LTN1: variants seen among roughly 807,000 people sequenced by gnomAD.
LTN1 encodes the protein E3 ubiquitin-protein ligase listerin.
A neutral mutation model predicts 201.2 loss-of-function variants in LTN1; 88 were observed. The observed-to-expected ratio is 0.44, with a 90% CI of 0.37 to 0.52. The LOEUF (loss-of-function observed/expected upper bound fraction) is 0.52. Among genes scored for constraint, LTN1 ranks in the 20% least tolerant of loss-of-function variants. The pLI is 0.00. For synonymous variants in LTN1, 645 were observed against 713.5 expected, an observed-to-expected ratio of 0.90 and a Z score of 1.53; for missense variants, 1,752 against 2,038.7, an observed-to-expected ratio of 0.86 and a Z score of 2.71.
At chr21:28,950,012 T>A (rs55962929) in intron 18 of LTN1, among the ~76,000 whole-genome samples, 2,405 of 152,272 alleles carry the variant, frequency 0.016, 67 homozygotes, top group African/African-American at 0.055. Context: ...TTCAATAATA[T>A]ATGTTATATT....
intron 16 of LTN1, among the ~76,000 whole-genome samples, chr21:28,954,082 A>G (rs1247272001): frequency 6.6e-6 from 1 of 152,184 alleles, no homozygotes; most frequent in African/African-American, 2.4e-5. Context: ...CAAAAACAAC[A>G]ATAATATCTG....
chr21:28,956,108 T>C (rs1243350302), intron 16 of LTN1, among the ~76,000 whole-genome samples: 1 of 152,022 alleles, frequency 6.6e-6, no homozygotes, highest in Non-Finnish European at 1.5e-5. Flanking sequence ...AGACTGATGG[T>C]TACCCTGAGA....
At chr21:28,991,373 T>C (rs1254116568) in intron 1 of LTN1, among the ~76,000 whole-genome samples, 1 of 152,168 alleles carries the variant, frequency 6.6e-6, no homozygotes, top group Non-Finnish European at 1.5e-5. Context: ...GATTACAGTA[T>C]TATACAAAAG....
chr21:28,972,747 T>C (rs1453702345), intron 6 of LTN1, among the ~76,000 whole-genome samples: 1 of 151,884 alleles, frequency 6.6e-6, no homozygotes, highest in Admixed American at 6.6e-5. Flanking sequence ...AGGAAGGAAA[T>C]ACCTAGAGAT....
At chr21:28,961,475 T>G in intron 11 of LTN1, 1 of 168,170 alleles carries the variant, frequency 5.9e-6, no homozygotes. Context: ...TCCCAGAGCT[T>G]CTTTTGCTTT....
chr21:28,988,160 C>CAAAA (rs938375158), intron 1 of LTN1, among the ~76,000 whole-genome samples: 2 of 115,534 alleles, frequency 1.7e-5, no homozygotes, highest in African/African-American at 3.0e-5. Context: ...AAAAAAACAA[C>CAAAA]AAAAAAAAAC....
At chr21:28,937,832 C>T (rs1352867851) in intron 25 of LTN1, among the ~76,000 whole-genome samples, 1 of 152,014 alleles carries the variant, frequency 6.6e-6, no homozygotes, top group Non-Finnish European at 1.5e-5. Context: ...AAATCAGAAA[C>T]ACTACTGGTC....
At chr21:28,978,358 C>T (rs971877026) in intron 6 of LTN1, among the ~76,000 whole-genome samples, 6 of 151,848 alleles carry the variant, frequency 4.0e-5, no homozygotes, top group South Asian at 2.1e-4. Flanking sequence ...TGTCTTGTAA[C>T]GGCATGACCA....
At chr21:28,931,104 T>C (rs1489494774) in intron 29 of LTN1, 51 bp downstream of exon 29, 5 of 1,093,496 alleles carry the variant, frequency 4.6e-6, no homozygotes, top group Non-Finnish European at 6.9e-6. Context: ...TGTGTGTTTA[T>C]GTGTATAAAA....
At position 28,992,827 on chromosome 21, in the gene LTN1, C is replaced by T. The variant is rs763137490; in HGVS notation, c.-22G>A. The T allele has an allele frequency of 6.2e-7, 1 of 1,614,120 alleles. No homozygotes were observed. Among genetic ancestry groups the T allele is most frequent in the Non-Finnish European group, 8.5e-7 (1 of 1,180,046 alleles). On this transcript the variant is annotated 5_prime_UTR_variant, in exon 1 of 30. Coordinates refer to ENST00000361371, the MANE Select transcript of LTN1 (RefSeq NM_015565.3). ...CCATGGTCGCGGTTGCAGCTGTACT[C>T]TGAGCACTCAGACCCCGGTTGACAC...
intron 28 of LTN1, among the ~76,000 whole-genome samples, chr21:28,931,619 G>T (rs2084211653): frequency 6.6e-6 from 1 of 152,168 alleles, no homozygotes; most frequent in South Asian, 2.1e-4. Flanking sequence ...AATCATTTAG[G>T]TTAGTTCTAA....
chr21:28,951,181 T>G (rs2084379611), intron 18 of LTN1, among the ~76,000 whole-genome samples: 1 of 152,216 alleles, frequency 6.6e-6, no homozygotes, highest in African/African-American at 2.4e-5. Context: ...TCTTACACAT[T>G]CATGTGAATC....
At position 28,981,492 on chromosome 21, in the gene LTN1, A is replaced by G. The variant is rs563196226; in HGVS notation, c.630-193T>C. On this transcript the variant is annotated intron_variant, in intron 5 of 29. Coordinates refer to ENST00000361371, the MANE Select transcript of LTN1 (RefSeq NM_015565.3). ...AATTTAATCACATACTTTACTACTAATACAAGGTGAAAGTAGACGAAAAGC... is the reference window on the plus strand; with the variant it reads ...AATTTAATCACATACTTTACTACTAGTACAAGGTGAAAGTAGACGAAAAGC... Among the ~76,000 whole-genome samples the G allele has an allele frequency of 8.5e-5, 13 of 152,322 alleles. No homozygotes were observed. The South Asian group carries it at 2.7e-3, about 32-fold the overall frequency.
chr21:28,969,596 G>A lies in LTN1; in HGVS notation c.1181C>T (p.Ser394Leu), dbSNP rs1170213652. ...AGAGCTGGTTTTAGTTCTCTCTGTT[G>A]ACAGCCTAAGAAATAATTAATAACT... ...NFLTSLVAGL[S>L]TERTKTSSLE... Residue 394 changes from serine to leucine, a missense_variant, in exon 9 of 30, where the codon TCA becomes TTA. Around this residue, in one of 3 missense-constraint regions of LTN1, gnomAD observed 1,211 missense variants for 1,312.8 expected, o/e 0.92. Coordinates refer to ENST00000361371, the MANE Select transcript of LTN1 (RefSeq NM_015565.3). The A allele has an allele frequency of 6.3e-6, 10 of 1,591,484 alleles. No individual in the cohort carries two copies. Among genetic ancestry groups the A allele is most frequent in the Non-Finnish European group, 8.5e-7 (1 of 1,171,820 alleles).
intron 7 of LTN1, 46 bp from the exon 8 acceptor site, chr21:28,970,788 AC>A (rs1242148170): frequency 2.1e-6 from 3 of 1,413,502 alleles, no homozygotes; most frequent in East Asian, 4.7e-5. Flanking sequence ...TCATAAACAT[AC>A]TTTTCTCAAT....
chr21:28,932,725 T>C, intron 27 of LTN1, 61 bp from the exon 28 acceptor site: 1 of 1,141,348 alleles, frequency 8.8e-7, no homozygotes, highest in African/African-American at 1.5e-5. Context: ...AGAAAACATT[T>C]TGATAGGTTG....
intron 29 of LTN1, 38 bp from the exon 30 acceptor site, chr21:28,930,548 T>A: frequency 3.7e-6 from 5 of 1,360,254 alleles, no homozygotes; most frequent in Non-Finnish European, 5.2e-6. Flanking sequence ...AAAGAACTTT[T>A]AAAGTTCTCC....
chr21:28,981,672 C>T (rs2084659720), intron 5 of LTN1, among the ~76,000 whole-genome samples: 1 of 152,182 alleles, frequency 6.6e-6, no homozygotes, highest in African/African-American at 2.4e-5. Flanking sequence ...GTTTACTACT[C>T]TTTCAACAGA....
intron 9 of LTN1, chr21:28,967,866 C>T (rs2084539683): frequency 6.6e-6 from 1 of 152,044 alleles, no homozygotes; most frequent in Non-Finnish European, 1.5e-5. Flanking sequence ...GGTAGATAGT[C>T]AGAATTGAAT....
Sources: gnomAD v4.1 joint callset for allele counts (sites outside exome capture counted in the v4.1 genomes callset) on GRCh38, gnomAD v4.1.1 for gene constraint, gnomAD v4.1.1 regional missense constraint, MANE v1.5 for transcripts, NCBI Gene and HGNC (gene_info 2026-07-23, HGNC 2026-07-21) for gene names.